WWOX: variants seen among roughly 807,000 people sequenced by gnomAD.
WWOX encodes the protein WW domain-containing oxidoreductase.
In WWOX, 69 loss-of-function variants were observed where a neutral mutation model predicts 46.2. The observed-to-expected ratio is 1.49, with a 90% confidence interval of 1.23 to 1.82. The LOEUF is 1.82. Ranked by LOEUF, WWOX falls within the 40% of genes most tolerant of loss-of-function variation. The pLI, the probability that WWOX is intolerant of heterozygous loss-of-function variation, is 0.00. For missense variants in WWOX, 919 were observed against 542.6 expected, an observed-to-expected ratio of 1.69 and a Z score of -6.89; for synonymous variants, 359 against 202.6, an observed-to-expected ratio of 1.77 and a Z score of -6.56.
intron 8 of WWOX, among the ~76,000 whole-genome samples, chr16:78,806,918 G>A (rs549221749): frequency 6.6e-6 from 1 of 152,326 alleles, no homozygotes; most frequent in South Asian, 2.1e-4. Context: ...TATTTGGCAA[G>A]GGGTCAGGAA....
chr16:78,550,705 G>A (rs887945128), intron 8 of WWOX: 1 of 152,174 alleles, frequency 6.6e-6, no homozygotes, highest in East Asian at 1.9e-4. Context: ...TGCTGGGGAT[G>A]GCAGCAGAGT....
chr16:78,707,616 C>G (rs954260292), intron 8 of WWOX, among the ~76,000 whole-genome samples: 5 of 152,130 alleles, frequency 3.3e-5, no homozygotes, highest in African/African-American at 9.7e-5. Flanking sequence ...AGCATGGTGT[C>G]TCATGCCTGT....
chr16:78,704,377 T>A (rs1202074521), intron 8 of WWOX, among the ~76,000 whole-genome samples: 1 of 152,202 alleles, frequency 6.6e-6, no homozygotes, highest in Non-Finnish European at 1.5e-5. Flanking sequence ...ATTTTCACAA[T>A]GCTTGGTTTT....
intron 8 of WWOX, among the ~76,000 whole-genome samples, chr16:78,515,991 G>GTCCCCCTTT (rs1330872189): frequency 6.6e-6 from 1 of 151,576 alleles, no homozygotes; most frequent in African/African-American, 2.4e-5. Flanking sequence ...ATCCCCCCTT[G>GTCCCCCTTT]TCCCCCTTTT....
At chr16:78,725,173 C>T (rs1006638142) in intron 8 of WWOX, among the ~76,000 whole-genome samples, 1 of 151,558 alleles carries the variant, frequency 6.6e-6, no homozygotes, top group African/African-American at 2.4e-5. Context: ...TTTCACTTGG[C>T]TCTCATTTTC....
At chr16:78,650,451 C>T (rs2046941838) in intron 8 of WWOX, among the ~76,000 whole-genome samples, 1 of 152,152 alleles carries the variant, frequency 6.6e-6, no homozygotes, top group Non-Finnish European at 1.5e-5. Flanking sequence ...GCTTCCTAGG[C>T]TGTCCACCAT....
At chr16:79,059,085 A>T (rs9972633) in intron 8 of WWOX, among the ~76,000 whole-genome samples, 1 of 152,008 alleles carries the variant, frequency 6.6e-6, no homozygotes, top group Non-Finnish European at 1.5e-5. Flanking sequence ...CTCCTTTTGA[A>T]AATGACATTT....
At chr16:79,126,740 C>A (rs151220731) in intron 8 of WWOX, among the ~76,000 whole-genome samples, 60 of 152,100 alleles carry the variant, frequency 3.9e-4, no homozygotes, top group African/African-American at 1.2e-3. Context: ...AGTGGTGGAC[C>A]CTGAAGGTTA....
intron 8 of WWOX, among the ~76,000 whole-genome samples, chr16:78,767,155 C>G (rs946459726): frequency 2.1e-5 from 3 of 144,618 alleles, no homozygotes; most frequent in Admixed American, 7.1e-5. Flanking sequence ...GGGTCTCACT[C>G]TGTTGCCCAG....
intron 7 of WWOX, among the ~76,000 whole-genome samples, chr16:78,428,038 A>G (rs2083128408): frequency 2.6e-5 from 4 of 152,226 alleles, no homozygotes; most frequent in Admixed American, 2.0e-4. Context: ...AGTGCACTCC[A>G]GCCTGGGTGA....
At chr16:78,915,003 T>A (rs1472816119) in intron 8 of WWOX, among the ~76,000 whole-genome samples, 1 of 151,622 alleles carries the variant, frequency 6.6e-6, no homozygotes, top group Non-Finnish European at 1.5e-5. Flanking sequence ...GGTAAGATAG[T>A]GGTTCACACC....
intron 8 of WWOX, among the ~76,000 whole-genome samples, chr16:78,494,142 G>C (rs1327701219): frequency 6.6e-6 from 1 of 152,178 alleles, no homozygotes; most frequent in Non-Finnish European, 1.5e-5. Context: ...AGTGGAGGAA[G>C]AGAGAAAGTA....
At chr16:78,537,668 C>T (rs767773984) in intron 8 of WWOX, among the ~76,000 whole-genome samples, 4 of 152,000 alleles carry the variant, frequency 2.6e-5, no homozygotes, top group South Asian at 4.1e-4. Context: ...ACAACTGTCT[C>T]GGGGGCTGGA....
At chr16:78,306,784 C>A (rs953218394) in intron 5 of WWOX, among the ~76,000 whole-genome samples, 6 of 151,926 alleles carry the variant, frequency 3.9e-5, no homozygotes, top group African/African-American at 1.2e-4. Context: ...CACTCCTTCC[C>A]ACAATCCCCA....
chr16:78,868,473 A>C lies in WWOX; in HGVS notation c.1057-343135A>C, dbSNP rs542239916. Among the ~76,000 whole-genome samples, 28 of 89,424 alleles carry C rather than the reference A, an allele frequency of 3.1e-4. No individual in the cohort carries two copies. In the South Asian group the frequency reaches 7.2e-3, roughly 23 times the overall value. The allele number at this position is 89,424 out of a possible 152,430, so 58.7% of individuals were successfully genotyped here. ...TGGTGATGGCTGCACAACTGGATAA[A>C]TATACTAACATCAAACTGTATATTT... is the stretch of plus-strand genomic sequence containing the variant. On this transcript the variant is annotated intron_variant, in intron 8 of 8. Transcript: ENST00000566780.
chr16:78,871,348 T>C (rs991649703), intron 8 of WWOX, among the ~76,000 whole-genome samples: 6 of 152,158 alleles, frequency 3.9e-5, no homozygotes, highest in South Asian at 2.1e-4. Context: ...CTGGGTGAAC[T>C]TGAGCCTCGA....
At chr16:78,550,884 G>C (rs1597252417) in intron 8 of WWOX, 2 of 152,196 alleles carry the variant, frequency 1.3e-5, no homozygotes, top group Admixed American at 1.3e-4. Context: ...GAGTAAGAGA[G>C]ATGGTATGAC....
intron 8 of WWOX, among the ~76,000 whole-genome samples, chr16:78,746,505 GTA>G (rs1274897611): frequency 6.6e-6 from 1 of 152,060 alleles, no homozygotes; most frequent in African/African-American, 2.4e-5. Flanking sequence ...AAAGTGCATT[GTA>G]GTAATACTAG....
chr16:78,473,879 C>T (rs2084293313), intron 8 of WWOX, among the ~76,000 whole-genome samples: 1 of 152,196 alleles, frequency 6.6e-6, no homozygotes, highest in Admixed American at 6.5e-5. Flanking sequence ...CGCTGCCATT[C>T]TTCTTCGCCG....
Sources: allele counts gnomAD v4.1 joint callset (sites outside exome capture counted in the v4.1 genomes callset), GRCh38; gene constraint gnomAD v4.1.1; transcripts MANE v1.5; gene names NCBI Gene and HGNC (gene_info 2026-07-23, HGNC 2026-07-21).